The following SLC41A2 variants were observed in gnomAD, a reference collection of about 807,000 sequenced individuals.
SLC41A2 encodes SLC41A1-like 1.
SLC41A2 carries 32 observed loss-of-function variants against 58.3 expected under a neutral mutation model. The ratio of observed to expected loss-of-function variants is 0.55; its 90% confidence interval spans 0.41 to 0.74. The LOEUF (loss-of-function observed/expected upper bound fraction) is 0.74. SLC41A2 is among the 30% of genes least tolerant of loss of function. The pLI is 0.00. For synonymous variants in SLC41A2, 190 were observed against 235.0 expected, an observed-to-expected ratio of 0.81 and a Z score of 1.75; for missense variants, 514 against 680.6, an observed-to-expected ratio of 0.76 and a Z score of 2.72.
chr12:104,811,207 T>C (rs2041159629), intron 10 of SLC41A2, among the ~76,000 whole-genome samples: 1 of 152,198 alleles, frequency 6.6e-6, no homozygotes, highest in African/African-American at 2.4e-5. Flanking sequence ...GAGAAATTCT[T>C]ATACAAGCAT....
At position 104,958,128 on chromosome 12, in the gene SLC41A2, G is replaced by A. The variant is rs74495249; in HGVS notation, c.-208C>T. 6.6e-6 allele frequency: 1 copy of A among 152,284 alleles called. No individual in the cohort carries two copies. Among genetic ancestry groups the A allele is most frequent in the Admixed American group, 6.6e-5 (1 of 15,222 alleles). 9.4% of individuals were successfully genotyped at this position (152,284 alleles called of 1,614,324 possible). A position where few individuals can be genotyped will look rare whatever the true frequency, so the allele number is the denominator to read the frequency against. On this transcript the variant is annotated 5_prime_UTR_variant, in exon 1 of 11. Transcript: ENST00000258538. ...GCGGCGGCAGCGGCCGGTGTGAGAA[G>A]GGTCCCCGTCTCCTCAGACCAGACC...
intron 3 of SLC41A2, among the ~76,000 whole-genome samples, chr12:104,904,785 T>G (rs2045738846): frequency 1.3e-5 from 2 of 152,060 alleles, no homozygotes; most frequent in Non-Finnish European, 2.9e-5. Context: ...GGTGGGCTCG[T>G]GGTCTCGCTG....
intron 2 of SLC41A2, among the ~76,000 whole-genome samples, chr12:104,913,898 C>T (rs531619205): frequency 6.6e-6 from 1 of 152,166 alleles, no homozygotes; most frequent in South Asian, 2.1e-4. Flanking sequence ...ATGGTGAAAC[C>T]CCATCTCTGC....
chr12:104,952,055 CT>C (rs1260289826), intron 1 of SLC41A2, among the ~76,000 whole-genome samples: 8 of 152,136 alleles, frequency 5.3e-5, no homozygotes, highest in Admixed American at 5.2e-4. Context: ...AGAATGCCCT[CT>C]GTTAAATTAT....
chr12:104,816,862 G>A (rs200077923), intron 10 of SLC41A2, among the ~76,000 whole-genome samples: 2 of 152,226 alleles, frequency 1.3e-5, no homozygotes, highest in Non-Finnish European at 2.9e-5. Flanking sequence ...CCCCCCTCCC[G>A]CAAGGATACC....
chr12:104,870,468 G>C (rs1449484267), intron 6 of SLC41A2, among the ~76,000 whole-genome samples: 5 of 152,180 alleles, frequency 3.3e-5, no homozygotes, highest in African/African-American at 1.2e-4. Flanking sequence ...TAAGCCACAA[G>C]GTTTGTGCTA....
At position 104,844,524 on chromosome 12, in the gene SLC41A2, G is replaced by A. The variant is rs1247873101; in HGVS notation, c.1484C>T (p.Thr495Ile). Residue 495 changes from threonine to isoleucine, a missense_variant, in exon 10 of 11, where the codon ACT (threonine) becomes ATT (isoleucine). Around this residue, in one of 3 missense-constraint regions of SLC41A2, gnomAD observed 128 missense variants for 146.0 expected, o/e 0.88. Coordinates refer to ENST00000258538, the MANE Select transcript of SLC41A2 (RefSeq NM_001352171.3). The stretch of plus-strand genomic sequence containing the variant: ...TACTATGAAGATTATAGTTAAAGAA[G>A]TATGACCACTTTTCATCAAATGAAT... ...YTIHLMKSGH[T>I]SLTIIFIVVY... The A allele has an allele frequency of 6.4e-7, 1 of 1,569,722 alleles. No individual in the cohort carries two copies. Among genetic ancestry groups the A allele is most frequent in the Non-Finnish European group, 8.6e-7 (1 of 1,159,280 alleles).
intron 6 of SLC41A2, among the ~76,000 whole-genome samples, chr12:104,885,671 C>CA (rs1160950051): frequency 2.6e-5 from 4 of 152,094 alleles, no homozygotes; most frequent in African/African-American, 9.7e-5. Context: ...TTCCAGAACA[C>CA]AAATTTGCAT....
chr12:104,926,189 C>T (rs1415621654), intron 2 of SLC41A2, among the ~76,000 whole-genome samples: 1 of 152,188 alleles, frequency 6.6e-6, no homozygotes, highest in Non-Finnish European at 1.5e-5. Context: ...TTCCCAGAGG[C>T]AACCTTTCTA....
intron 4 of SLC41A2, among the ~76,000 whole-genome samples, chr12:104,891,117 G>A (rs1412445147): frequency 6.6e-6 from 1 of 152,028 alleles, no homozygotes; most frequent in Admixed American, 6.6e-5. Context: ...TCTCACTTTT[G>A]TCTACTTGTG....
At chr12:104,842,212 AC>A (rs1476015669) in intron 10 of SLC41A2, among the ~76,000 whole-genome samples, 1 of 151,974 alleles carries the variant, frequency 6.6e-6, no homozygotes, top group Non-Finnish European at 1.5e-5. Flanking sequence ...TTTTACCTAA[AC>A]CTTAAAGAGG....
chr12:104,948,163 G>T (rs76529099), intron 1 of SLC41A2, among the ~76,000 whole-genome samples: 5,828 of 152,184 alleles, frequency 0.038, 155 homozygotes, highest in East Asian at 0.11. Flanking sequence ...TAAAAATTTT[G>T]CTTTCTTTGT....
intron 3 of SLC41A2, among the ~76,000 whole-genome samples, chr12:104,900,591 C>T (rs1452478311): frequency 6.6e-6 from 1 of 152,052 alleles, no homozygotes; most frequent in Non-Finnish European, 1.5e-5. Flanking sequence ...TAACAGTTTT[C>T]GATTATACAT....
intron 6 of SLC41A2, among the ~76,000 whole-genome samples, chr12:104,867,231 A>C (rs1269788778): frequency 1.3e-5 from 2 of 152,116 alleles, no homozygotes; most frequent in African/African-American, 4.8e-5. Context: ...TTTAATTCTA[A>C]ATCTCCCTAG....
chr12:104,912,285 C>T (rs2046120739), intron 2 of SLC41A2, among the ~76,000 whole-genome samples: 2 of 152,136 alleles, frequency 1.3e-5, no homozygotes, highest in Admixed American at 6.5e-5. Context: ...CTGGCAGCCC[C>T]AGGTAGCTTC....
At chr12:104,878,287 T>C (rs2044155679) in intron 6 of SLC41A2, among the ~76,000 whole-genome samples, 1 of 124,822 alleles carries the variant, frequency 8.0e-6, no homozygotes, top group Admixed American at 8.8e-5. Flanking sequence ...CTGCAAATAA[T>C]ATACCTGTAT....
upstream of SLC41A2, chr12:104,958,453 C>G (rs2048260439): frequency 6.6e-6 from 1 of 151,828 alleles, no homozygotes. Context: ...CGCCCGGACC[C>G]CGGCCGCGCC....
intron 1 of SLC41A2, among the ~76,000 whole-genome samples, chr12:104,939,855 C>T (rs917547685): frequency 3.9e-5 from 6 of 152,134 alleles, no homozygotes; most frequent in Admixed American, 1.3e-4. Flanking sequence ...ATACTAAGAT[C>T]CACAGTACTA....
At chr12:104,956,405 G>A (rs571817048) in intron 1 of SLC41A2, among the ~76,000 whole-genome samples, 190 of 152,294 alleles carry the variant, frequency 1.2e-3, no homozygotes, top group Non-Finnish European at 1.8e-3. Context: ...CAGACTGGCC[G>A]TGGTGGCTTA....
Sources: gnomAD v4.1 joint callset for allele counts (sites outside exome capture counted in the v4.1 genomes callset) on GRCh38, gnomAD v4.1.1 for gene constraint, gnomAD v4.1.1 regional missense constraint, MANE v1.5 for transcripts, NCBI Gene and HGNC (gene_info 2026-07-23, HGNC 2026-07-21) for gene names.